Variants in COLEC12 observed in about 807,000 individuals in gnomAD.
COLEC12 encodes the protein collectin-12.
Under a neutral mutation model 71.1 loss-of-function variants are expected in COLEC12, and 33 were observed. The ratio of observed to expected loss-of-function variants is 0.46; its 90% CI spans 0.35 to 0.62. COLEC12 has a LOEUF of 0.62. Ranked by LOEUF, COLEC12 falls within the 20% of genes least tolerant of loss-of-function variation. The probability of loss-of-function intolerance (pLI) is 0.00; values close to 1 mark genes in which losing one functional copy is unlikely to be tolerated. For synonymous variants in COLEC12, 350 were observed against 353.0 expected (o/e 0.99, Z 0.10); for missense variants, 765 against 916.1 (o/e 0.84, Z 2.13).
chr18:412,489 AAAAAG>A (rs200838892), intron 2 of COLEC12, among the ~76,000 whole-genome samples: 13,727 of 140,912 alleles, frequency 0.097, 771 homozygotes, highest in East Asian at 0.25. Context: ...CAGAAAAAAA[AAAAAG>A]AAAGAAAGAA....
At chr18:383,674 C>G (rs1261699756) in intron 2 of COLEC12, among the ~76,000 whole-genome samples, 1 of 152,176 alleles carries the variant, frequency 6.6e-6, no homozygotes, top group Non-Finnish European at 1.5e-5. Context: ...CCTACCCACT[C>G]CTTCTCCACA....
In COLEC12 at chr18:321,675, T is replaced by C; in HGVS notation, c.2196A>G (p.Lys732=). The change falls in exon 9 of 10, where the codon AAA becomes AAG. Residue 732 remains lysine (K), a synonymous_variant. Transcript: ENST00000400256. The stretch of plus-strand genomic sequence containing the variant: ...TCTACTGCTCACCTGTCTCCCTGTC[T>C]TTTTCGCAAATGAAGTTATTGACGT... The part of the protein sequence containing the change: ...CEDVNNFICE[K]DRETVLSSAL 1 of 1,614,204 alleles carries C rather than the reference T, an allele frequency of 6.2e-7. No individual in the cohort carries two copies. Among genetic ancestry groups the C allele is most frequent in the Non-Finnish European group, 8.5e-7 (1 of 1,180,026 alleles).
intron 2 of COLEC12, among the ~76,000 whole-genome samples, chr18:447,711 A>G: frequency 6.6e-6 from 1 of 152,220 alleles, no homozygotes; most frequent in African/African-American, 2.4e-5. Context: ...AGGGAGACAC[A>G]GTTTCCAGAG....
At chr18:423,841 G>A (rs562160484) in intron 2 of COLEC12, 1 of 152,108 alleles carries the variant, frequency 6.6e-6, no homozygotes, top group African/African-American at 2.4e-5. Flanking sequence ...CAGAGGAGGT[G>A]TAAGAAGTGC....
At chr18:337,751 T>A (rs1914151004) in intron 5 of COLEC12, among the ~76,000 whole-genome samples, 1 of 152,166 alleles carries the variant, frequency 6.6e-6, no homozygotes, top group Non-Finnish European at 1.5e-5. Context: ...TTTCTCAGGT[T>A]CCGCCAGCAC....
At chr18:350,649 C>T (rs555808831) in intron 3 of COLEC12, among the ~76,000 whole-genome samples, 78 of 152,000 alleles carry the variant, frequency 5.1e-4, no homozygotes, top group Non-Finnish European at 1.0e-3. Flanking sequence ...GACTTCAGAC[C>T]GGGCATGGTG....
chr18:379,513 AGAG>A (rs1210626593), intron 2 of COLEC12, among the ~76,000 whole-genome samples: 2 of 152,228 alleles, frequency 1.3e-5, no homozygotes, highest in African/African-American at 4.8e-5. Flanking sequence ...TGAAGAAAAT[AGAG>A]GAGAATGACA....
chr18:388,905 G>C (rs1258374262), intron 2 of COLEC12, among the ~76,000 whole-genome samples: 7 of 152,130 alleles, frequency 4.6e-5, no homozygotes, highest in Non-Finnish European at 1.0e-4. Flanking sequence ...TTGTGTCCAA[G>C]TGTGCTCACA....
chr18:448,431 A>G (rs1214048145), intron 2 of COLEC12, among the ~76,000 whole-genome samples: 3 of 152,214 alleles, frequency 2.0e-5, no homozygotes, highest in African/African-American at 4.8e-5. Context: ...AAAACCCTCA[A>G]TGGGTATGTG....
intron 2 of COLEC12, among the ~76,000 whole-genome samples, chr18:463,626 G>T (rs1299779407): frequency 6.6e-6 from 1 of 152,142 alleles, no homozygotes; most frequent in Admixed American, 6.6e-5. Flanking sequence ...TCGGATCTCA[G>T]TGGACAGATG....
chr18:347,280 G>A lies in COLEC12; in HGVS notation c.342C>T (p.Asp114=). 1 of 1,614,154 alleles carries A rather than the reference G, an allele frequency of 6.2e-7. No individual in the cohort carries two copies. Among genetic ancestry groups the A allele is most frequent in the Non-Finnish European group, 8.5e-7 (1 of 1,180,024 alleles). The change falls in exon 5 of 10, where the codon GAC becomes GAT. Residue 114 remains aspartate (D), a synonymous_variant. Coordinates refer to ENST00000400256, the MANE Select transcript of COLEC12 (RefSeq NM_130386.3). ...TNSELSTFRS[D]ILDLRQQLRE... is the part of the protein sequence containing the mutation. ...GAAGTTGCTGACGGAGATCTAGAAT[G>A]TCTGATCTGAAGGTGGAGAGTTCTG... is the stretch of plus-strand genomic sequence containing the variant.
intron 1 of COLEC12, among the ~76,000 whole-genome samples, chr18:481,800 A>G (rs184268048): frequency 5.8e-4 from 89 of 152,254 alleles, no homozygotes; most frequent in Admixed American, 1.6e-3. Context: ...ATTCCTTATT[A>G]CATCTCTAAA....
chr18:364,254 G>T (rs957802099), intron 2 of COLEC12, among the ~76,000 whole-genome samples: 6 of 152,050 alleles, frequency 3.9e-5, no homozygotes, highest in African/African-American at 1.5e-4. Flanking sequence ...ATTGTCGTAG[G>T]CAAAAGCCAG....
At chr18:470,166 A>C (rs1917165150) in intron 2 of COLEC12, among the ~76,000 whole-genome samples, 1 of 151,494 alleles carries the variant, frequency 6.6e-6, no homozygotes, top group Non-Finnish European at 1.5e-5. Flanking sequence ...GGCTTATACC[A>C]GTAATCCCAA....
At chr18:498,119 C>T (rs1917745972) in intron 1 of COLEC12, among the ~76,000 whole-genome samples, 1 of 152,130 alleles carries the variant, frequency 6.6e-6, no homozygotes, top group Admixed American at 6.5e-5. Context: ...GTTGCCAGTT[C>T]CTATTTCTTC....
intron 3 of COLEC12, 57 bp from the exon 4 acceptor site, chr18:348,220 G>A (rs1914430183): frequency 2.7e-6 from 3 of 1,097,134 alleles, no homozygotes; most frequent in Non-Finnish European, 4.2e-6. Flanking sequence ...TTATTTTTCA[G>A]TTTCAAAACA....
intron 2 of COLEC12, among the ~76,000 whole-genome samples, chr18:373,359 C>G (rs539570113): frequency 3.4e-4 from 52 of 152,244 alleles, no homozygotes; most frequent in African/African-American, 1.2e-3. Flanking sequence ...ATGTAAGGAG[C>G]AGACCTCTCC....
Position 494,669 on chromosome 18 carries a change from G to T in COLEC12, c.7+5839C>A, listed in dbSNP as rs558923389. Among the ~76,000 whole-genome samples the T allele has an allele frequency of 2.0e-5, 3 of 152,326 alleles. No homozygotes were observed. In the East Asian group the frequency reaches 5.8e-4, roughly 29 times the overall value. ...TAAAGCATATATTATCTACTTTAAAGTAGGACTGTTTTGCCTTTGAATAAT... is the reference window on the plus strand; with the variant it reads ...TAAAGCATATATTATCTACTTTAAATTAGGACTGTTTTGCCTTTGAATAAT... On this transcript the variant is annotated intron_variant, in intron 1 of 9. Transcript: ENST00000400256.
intron 2 of COLEC12, among the ~76,000 whole-genome samples, chr18:423,521 T>C (rs1916138835): frequency 6.6e-6 from 1 of 152,164 alleles, no homozygotes; most frequent in Non-Finnish European, 1.5e-5. Context: ...TCAGGTGCCA[T>C]GATGATAGTT....
Sources: gnomAD v4.1 joint callset for allele counts (sites outside exome capture counted in the v4.1 genomes callset) on GRCh38, gnomAD v4.1.1 for gene constraint, MANE v1.5 for transcripts, NCBI Gene and HGNC (gene_info 2026-07-23, HGNC 2026-07-21) for gene names.